Variants in C10orf90 observed in about 807,000 individuals in gnomAD.
C10orf90 encodes the protein chromosome 10 open reading frame 90, also known as (E2-independent) E3 ubiquitin-conjugating enzyme FATS.
A neutral mutation model predicts 62.5 loss-of-function variants in C10orf90; 56 were observed. The ratio of observed to expected loss-of-function variants is 0.90; its 90% confidence interval spans 0.72 to 1.12. The LOEUF (loss-of-function observed/expected upper bound fraction) is 1.12, where lower values mean the gene tolerates loss of function less well. C10orf90 is among the 50% of genes most tolerant of loss of function. C10orf90 has a pLI of 0.00. For missense variants in C10orf90, 970 were observed against 880.4 expected (o/e 1.10, Z -1.29); for synonymous variants, 386 against 340.4 (o/e 1.13, Z -1.47).
chr10:126,608,027 T>C (rs1245039427), intron 2 of C10orf90, among the ~76,000 whole-genome samples: 1 of 152,114 alleles, frequency 6.6e-6, no homozygotes, highest in Non-Finnish European at 1.5e-5. Context: ...AGAGTTTTAG[T>C]TTTCCAAGAC....
At chr10:126,471,700 T>A (rs1315819232) in intron 4 of C10orf90, among the ~76,000 whole-genome samples, 1 of 152,194 alleles carries the variant, frequency 6.6e-6, no homozygotes, top group Non-Finnish European at 1.5e-5. Context: ...GCAACTCTCA[T>A]TTGACGTAAA....
At chr10:126,448,976 A>G (rs762729363) in intron 7 of C10orf90, among the ~76,000 whole-genome samples, 20 of 152,188 alleles carry the variant, frequency 1.3e-4, no homozygotes, top group Non-Finnish European at 2.6e-4. Flanking sequence ...AATTAATACC[A>G]TCCTTCTCAA....
chr10:126,471,881 C>T (rs1405544607), intron 4 of C10orf90, among the ~76,000 whole-genome samples: 1 of 151,928 alleles, frequency 6.6e-6, no homozygotes, highest in Non-Finnish European at 1.5e-5. Context: ...GGTTGATGAA[C>T]AGAAGTCTTA....
chr10:126,531,297 A>G (rs1039497708), intron 2 of C10orf90, among the ~76,000 whole-genome samples: 2 of 152,188 alleles, frequency 1.3e-5, no homozygotes, highest in African/African-American at 4.8e-5. Flanking sequence ...GTCTGGAGAC[A>G]TTTTTGGTTG....
Position 126,655,844 on chromosome 10 carries a change from A to C in C10orf90, c.241-9207T>G, listed in dbSNP as rs1014859980. Among the ~76,000 whole-genome samples, 66 of 151,964 alleles carry C rather than the reference A, an allele frequency of 4.3e-4. 1 individual carries two copies. Among genetic ancestry groups the C allele is most frequent in the South Asian group, 1.0e-3 (5 of 4,818 alleles). On this transcript the variant is annotated intron_variant, in intron 1 of 9. Coordinates refer to ENST00000488181, the MANE Select transcript of C10orf90 (RefSeq NM_001350921.2). ...AGAGACAAAACAAAACAAAACAAAAAAAAAAAAGAAGAAGAACAAAGGCAT... is the reference window on the plus strand; with the variant it reads ...AGAGACAAAACAAAACAAAACAAAACAAAAAAAGAAGAAGAACAAAGGCAT...
rs1298931790 is a variant in C10orf90, at chr10:126,504,428, G to C, written c.1063C>G (p.Gln355Glu). The C allele has an allele frequency of 2.5e-6, 4 of 1,614,228 alleles. No individual in the cohort carries two copies. The Admixed American group carries it at 6.7e-5, about 27-fold the overall frequency. The stretch of plus-strand genomic sequence containing the variant: ...TAATAGATTGAATCTGGACACTGCT[G>C]AGACACCCTGAGGTGGACACAGGAA... ...FSSCVHLRVSQQCPDSIYYVD... is the reference protein window; with the variant it reads ...FSSCVHLRVSEQCPDSIYYVD... Residue 355 changes from glutamine (Q) to glutamate (E), a missense_variant, in exon 4 of 10, where the codon CAG becomes GAG. By Grantham distance (29) the Gln-to-Glu change is conservative. Coordinates refer to ENST00000488181, the MANE Select transcript of C10orf90 (RefSeq NM_001350921.2). This position sits in a 1 kb window ranked among gnomAD's most constrained non-coding sequence, Gnocchi z 4.1.
chr10:126,488,628 C>A (rs1861560782), intron 4 of C10orf90, among the ~76,000 whole-genome samples: 1 of 151,836 alleles, frequency 6.6e-6, no homozygotes, highest in East Asian at 1.9e-4. Context: ...CTGATAAGGG[C>A]AAAAGAAAAG....
chr10:126,546,103 G>A (rs7071476), intron 2 of C10orf90, among the ~76,000 whole-genome samples: 114,199 of 152,016 alleles, frequency 0.75, 43,020 homozygotes, highest in Middle Eastern at 0.81. Context: ...GCCAAAGACA[G>A]AAAAAACCCC....
chr10:126,526,534 G>A (rs547332919), intron 2 of C10orf90, among the ~76,000 whole-genome samples: 14 of 152,184 alleles, frequency 9.2e-5, no homozygotes, highest in African/African-American at 1.9e-4. Flanking sequence ...GTGAGCCACC[G>A]CACCTGGCCA....
At chr10:126,613,776 G>A (rs183905538) in intron 2 of C10orf90, among the ~76,000 whole-genome samples, 1 of 152,250 alleles carries the variant, frequency 6.6e-6, no homozygotes, top group East Asian at 1.9e-4. Context: ...AAGACTGAAG[G>A]GCGAGGGAAA....
At chr10:126,592,685 T>A (rs1005038885) in intron 2 of C10orf90, among the ~76,000 whole-genome samples, 1 of 152,140 alleles carries the variant, frequency 6.6e-6, no homozygotes, top group South Asian at 2.1e-4. Context: ...AAGCAAAAAT[T>A]GACAAATGGG....
chr10:126,622,126 G>A (rs1211567955), intron 2 of C10orf90, among the ~76,000 whole-genome samples: 1 of 152,126 alleles, frequency 6.6e-6, no homozygotes, highest in African/African-American at 2.4e-5. Flanking sequence ...TGTCTGCAGG[G>A]ATCATATCTG....
At chr10:126,550,246 G>A (rs1864602563) in intron 2 of C10orf90, among the ~76,000 whole-genome samples, 1 of 151,990 alleles carries the variant, frequency 6.6e-6, no homozygotes, top group African/African-American at 2.4e-5. Context: ...ATGAGCCACC[G>A]CGCCTGGCTC....
At chr10:126,505,211 C>G (rs895891241) in intron 3 of C10orf90, 126 bp from the exon 4 acceptor site, 15 of 901,750 alleles carry the variant, frequency 1.7e-5, no homozygotes, top group Non-Finnish European at 2.4e-5. Flanking sequence ...TTGTCCAAGG[C>G]TTTTTACTGC....
At chr10:126,657,052 C>T (rs1400465538) in intron 1 of C10orf90, among the ~76,000 whole-genome samples, 1 of 152,112 alleles carries the variant, frequency 6.6e-6, no homozygotes, top group African/African-American at 2.4e-5. Flanking sequence ...AAGTGCAGAG[C>T]CAGTTTCATG....
rs113089533 is a variant in C10orf90, at chr10:126,627,469, A to G, written c.313+19096T>C. Among the ~76,000 whole-genome samples the G allele has an allele frequency of 4.9e-3, 744 of 151,912 alleles. 5 individuals are homozygous for G. The highest frequency in any genetic ancestry group is 0.016 in the African/African-American group (653 of 41,426). On this transcript the variant is annotated intron_variant, in intron 2 of 9. Transcript: ENST00000488181. ...ACAGGGAAACTTTGCAAAGGAGCACACGTCTTGATTGTCTCTGTGGGGTTC... is the reference window on the plus strand; with the variant it reads ...ACAGGGAAACTTTGCAAAGGAGCACGCGTCTTGATTGTCTCTGTGGGGTTC...
chr10:126,526,161 A>G (rs1863937978), intron 2 of C10orf90, among the ~76,000 whole-genome samples: 1 of 151,680 alleles, frequency 6.6e-6, no homozygotes, highest in East Asian at 1.9e-4. Context: ...AGAGGTCCCC[A>G]TGTCTCTGAC....
rs370559509 is a variant in C10orf90 at position 126,503,952 on chromosome 10, C to G, written c.1534+5G>C. 45 of 1,604,428 alleles carry G rather than the reference C, an allele frequency of 2.8e-5. No individual in the cohort carries two copies. The highest frequency in any genetic ancestry group is 3.7e-5 in the Non-Finnish European group (44 of 1,175,378). ...CACCCTCCTGCAGATGGACGCACCA[C>G]TCACCTGCCCTGTAACTCCAGCCAG... is the stretch of plus-strand genomic sequence containing the variant. On this transcript the variant is annotated splice_donor_5th_base_variant and intron_variant, in intron 4 of 9. Transcript: ENST00000488181.
At chr10:126,545,021 T>G (rs1030467079) in intron 2 of C10orf90, among the ~76,000 whole-genome samples, 1 of 152,200 alleles carries the variant, frequency 6.6e-6, no homozygotes, top group African/African-American at 2.4e-5. Context: ...TGCTGACCTA[T>G]TATTTAAAAG....
Sources: allele counts gnomAD v4.1 joint callset (sites outside exome capture counted in the v4.1 genomes callset), GRCh38; gene constraint gnomAD v4.1.1; non-coding constraint Gnocchi (gnomAD v3.1); transcripts MANE v1.5; gene names NCBI Gene and HGNC (gene_info 2026-07-23, HGNC 2026-07-21).